CDH13: variants seen among roughly 807,000 people sequenced by gnomAD.
CDH13 encodes the protein cadherin-13.
Under a neutral mutation model 63.8 loss-of-function variants are expected in CDH13, and 24 were observed. The observed-to-expected ratio is 0.38, with a 90% CI of 0.27 to 0.53. CDH13 has a LOEUF of 0.53. CDH13 is among the 20% of genes least tolerant of loss of function. The pLI is 0.85. For synonymous variants in CDH13, 503 were observed against 355.3 expected (o/e 1.42, Z -4.67); for missense variants, 1,049 against 903.1 (o/e 1.16, Z -2.07).
intron 7 of CDH13, among the ~76,000 whole-genome samples, chr16:83,526,231 T>C (rs1263628152): frequency 1.3e-5 from 2 of 152,080 alleles, no homozygotes; most frequent in Non-Finnish European, 2.9e-5. Context: ...GTGGTGGTTA[T>C]TGTTTTGTTT....
intron 1 of CDH13, among the ~76,000 whole-genome samples, chr16:82,848,513 A>G (rs1585533): frequency 0.64 from 97,171 of 150,900 alleles, 31,722 homozygotes; most frequent in East Asian, 0.87. Flanking sequence ...TTTTTAAATT[A>G]TTACTTTGTC....
At chr16:83,511,288 C>A (rs2074558085) in intron 7 of CDH13, among the ~76,000 whole-genome samples, 2 of 152,230 alleles carry the variant, frequency 1.3e-5, no homozygotes, top group South Asian at 4.1e-4. Flanking sequence ...ATGACAAAAC[C>A]ACATCTCTAC....
intron 6 of CDH13, among the ~76,000 whole-genome samples, chr16:83,379,006 TAC>T (rs59189186): frequency 0.12 from 18,061 of 148,862 alleles, 1,172 homozygotes; most frequent in African/African-American, 0.15. Flanking sequence ...TATATATATA[TAC>T]ACACACACAC....
At chr16:83,128,765 T>G (rs2035918853) in intron 4 of CDH13, among the ~76,000 whole-genome samples, 1 of 151,640 alleles carries the variant, frequency 6.6e-6, no homozygotes, top group Admixed American at 6.6e-5. Flanking sequence ...TCTGCATTGT[T>G]TTTTTACTTA....
chr16:83,115,127 A>T (rs2035233732), intron 3 of CDH13, among the ~76,000 whole-genome samples: 1 of 152,216 alleles, frequency 6.6e-6, no homozygotes, highest in East Asian at 1.9e-4. Context: ...ACCTCCTTGA[A>T]AAGGTAGTCT....
intron 4 of CDH13, among the ~76,000 whole-genome samples, chr16:83,204,114 C>G (rs74031468): frequency 0.04 from 6,045 of 152,282 alleles, 230 homozygotes; most frequent in African/African-American, 0.099. Flanking sequence ...CCATGTCACA[C>G]GGAGTTCCGA....
intron 1 of CDH13, among the ~76,000 whole-genome samples, chr16:82,716,579 C>T (rs1466346214): frequency 1.4e-5 from 2 of 147,800 alleles, no homozygotes; most frequent in African/African-American, 2.5e-5. Flanking sequence ...TGAGGAGGGA[C>T]ATATAAAGAC....
chr16:83,353,296 C>T (rs552352968), intron 6 of CDH13, among the ~76,000 whole-genome samples: 18 of 152,330 alleles, frequency 1.2e-4, no homozygotes, highest in East Asian at 1.9e-4. Context: ...TATCTCACAC[C>T]GGCTCAGAAC....
At chr16:82,858,606 G>A in intron 2 of CDH13, 133 bp downstream of exon 2, 1 of 730,394 alleles carries the variant, frequency 1.4e-6, no homozygotes, top group Non-Finnish European at 2.4e-6. Flanking sequence ...GTCACTGCTT[G>A]ACCCAAAGTG....
chr16:83,458,159 C>G (rs2073074523), intron 6 of CDH13, among the ~76,000 whole-genome samples: 1 of 152,190 alleles, frequency 6.6e-6, no homozygotes, highest in South Asian at 2.1e-4. Flanking sequence ...CTCTGTCTTC[C>G]TGTGCCTGCT....
intron 6 of CDH13, among the ~76,000 whole-genome samples, chr16:83,380,339 C>T (rs181059071): frequency 6.6e-6 from 1 of 152,016 alleles, no homozygotes; most frequent in African/African-American, 2.4e-5. Context: ...CTTAAAATTC[C>T]CAAAATATGA....
chr16:83,402,769 T>G (rs185440982), intron 6 of CDH13, among the ~76,000 whole-genome samples: 1 of 152,254 alleles, frequency 6.6e-6, no homozygotes. Context: ...ATTATTAGTA[T>G]GCAATTTCAT....
chr16:83,019,188 G>T (rs936288062), intron 2 of CDH13, among the ~76,000 whole-genome samples: 2 of 152,072 alleles, frequency 1.3e-5, no homozygotes, highest in Admixed American at 6.5e-5. Context: ...CAAACACATT[G>T]TACAGCTATA....
chr16:82,707,062 C>T (rs1001263128), intron 1 of CDH13, among the ~76,000 whole-genome samples: 1 of 152,208 alleles, frequency 6.6e-6, no homozygotes, highest in African/African-American at 2.4e-5. Flanking sequence ...AGGCGTGGAC[C>T]ATCCCCTGTT....
At chr16:82,630,242 C>A (rs1474267770) in intron 1 of CDH13, among the ~76,000 whole-genome samples, 1 of 152,220 alleles carries the variant, frequency 6.6e-6, no homozygotes, top group East Asian at 1.9e-4. Context: ...CCCCTAGGGT[C>A]AATACATGAC....
intron 2 of CDH13, among the ~76,000 whole-genome samples, chr16:82,888,830 T>C (rs1280565306): frequency 6.6e-6 from 1 of 152,250 alleles, no homozygotes; most frequent in African/African-American, 2.4e-5. Context: ...GTCTTCTAGA[T>C]GCAATTGTTT....
At chr16:83,138,257 A>G (rs1567867122) in intron 4 of CDH13, among the ~76,000 whole-genome samples, 2 of 152,160 alleles carry the variant, frequency 1.3e-5, no homozygotes, top group Non-Finnish European at 2.9e-5. Flanking sequence ...AGCAACTACT[A>G]TGTGTCAAGC....
At chr16:83,268,404 A>C (rs1462565795) in intron 5 of CDH13, among the ~76,000 whole-genome samples, 1 of 152,206 alleles carries the variant, frequency 6.6e-6, no homozygotes, top group Non-Finnish European at 1.5e-5. Context: ...CAAGCATTTC[A>C]GGGCAGTTGC....
At chr16:82,794,822 A>G (rs57421595) in intron 1 of CDH13, among the ~76,000 whole-genome samples, 3,296 of 152,218 alleles carry the variant, frequency 0.022, 72 homozygotes, top group African/African-American at 0.054. Context: ...GGTTCCTTGG[A>G]GGCTGATTCT....
Sources: gnomAD v4.1 joint callset for allele counts (sites outside exome capture counted in the v4.1 genomes callset) on GRCh38, gnomAD v4.1.1 for gene constraint, MANE v1.5 for transcripts, NCBI Gene and HGNC (gene_info 2026-07-23, HGNC 2026-07-21) for gene names.